Variants in DYNC1I1 observed in about 807,000 individuals in gnomAD.
DYNC1I1 encodes dynein cytoplasmic 1 intermediate chain 1, also known as cytoplasmic dynein 1 intermediate chain 1.
In DYNC1I1, 43 loss-of-function variants were observed where a neutral mutation model predicts 86.6. That is an observed-to-expected ratio of 0.50 (90% CI 0.39 to 0.64). The LOEUF (loss-of-function observed/expected upper bound fraction) is 0.64. DYNC1I1 is among the 30% of genes least tolerant of loss of function. DYNC1I1 has a pLI of 0.00. For missense variants in DYNC1I1, 604 were observed against 788.8 expected (o/e 0.77, Z 2.81); for synonymous variants, 262 against 283.7 (o/e 0.92, Z 0.77).
intron 4 of DYNC1I1, chr7:95,818,378 T>C: frequency 2.0e-6 from 1 of 492,092 alleles, no homozygotes; most frequent in Non-Finnish European, 3.6e-6. Context: ...CTTAGCTCAA[T>C]GAAGCCTCGA....
At chr7:95,967,799 G>A (rs115475070) in intron 6 of DYNC1I1, among the ~76,000 whole-genome samples, 6,018 of 152,246 alleles carry the variant, frequency 0.04, 380 homozygotes, top group African/African-American at 0.14. Context: ...AAAAGAAGAA[G>A]GGAGTCTGAC....
At chr7:95,967,027 A>G (rs769054979) in intron 6 of DYNC1I1, among the ~76,000 whole-genome samples, 33 of 152,170 alleles carry the variant, frequency 2.2e-4, no homozygotes, top group Admixed American at 1.1e-3. Context: ...CCTTTTTAGA[A>G]CTACTGGGGA....
At chr7:95,893,030 T>A (rs1179248800) in intron 6 of DYNC1I1, among the ~76,000 whole-genome samples, 1 of 152,244 alleles carries the variant, frequency 6.6e-6, no homozygotes, top group African/African-American at 2.4e-5. Context: ...ATTTGTTTTC[T>A]TTTTTCTTCA....
At chr7:95,921,463 T>C (rs1053313625) in intron 6 of DYNC1I1, among the ~76,000 whole-genome samples, 1 of 152,202 alleles carries the variant, frequency 6.6e-6, no homozygotes, top group Admixed American at 6.5e-5. Flanking sequence ...AGACCAAGTC[T>C]AGCTCTTTCC....
At position 96,080,366 on chromosome 7, in the gene DYNC1I1, C is replaced by A; in HGVS notation, c.1654C>A (p.Pro552Thr). The change falls in exon 16 of 17, where the codon CCA (proline) becomes ACA (threonine). Residue 552 changes from proline to threonine, a missense_variant. Coordinates refer to ENST00000447467, the MANE Select transcript of DYNC1I1 (RefSeq NM_001135556.2). ...TCTGTTGTGAACCCTTTGGCAGGTT[C>A]CAACAGCAAGTGTGGCCATTGAGGG... is the stretch of plus-strand genomic sequence containing the variant. ...LWNLNNDTEVPTASVAIEGAS... is the reference protein window; with the variant it reads ...LWNLNNDTEVTTASVAIEGAS... The A allele has an allele frequency of 6.2e-7, 1 of 1,602,124 alleles. No homozygotes were observed. The highest frequency in any genetic ancestry group is 1.1e-5 in the South Asian group (1 of 88,598).
chr7:95,990,930 T>C (rs1327981378), intron 9 of DYNC1I1, among the ~76,000 whole-genome samples: 1 of 151,926 alleles, frequency 6.6e-6, no homozygotes, highest in Admixed American at 6.6e-5. Context: ...TGTGGGAGGC[T>C]GAGGTGGGAG....
chr7:96,000,485 G>T (rs1022265662), intron 10 of DYNC1I1, among the ~76,000 whole-genome samples: 4 of 152,170 alleles, frequency 2.6e-5, no homozygotes, highest in African/African-American at 7.2e-5. Flanking sequence ...GATCAGACCA[G>T]AGAAATAGTG....
chr7:95,977,386 A>G (rs1793332569), intron 6 of DYNC1I1, 126 bp from the exon 7 acceptor site: 1 of 693,382 alleles, frequency 1.4e-6, no homozygotes, highest in South Asian at 2.2e-5. Context: ...TTCATTGTGG[A>G]CTGATTTACT....
At chr7:95,942,191 T>C (rs1792245802) in intron 6 of DYNC1I1, among the ~76,000 whole-genome samples, 1 of 151,884 alleles carries the variant, frequency 6.6e-6, no homozygotes, top group African/African-American at 2.4e-5. Flanking sequence ...AAAGGGAATA[T>C]CACCACCGAT....
chr7:96,109,204 C>CT (rs971121801), intron 16 of DYNC1I1, among the ~76,000 whole-genome samples: 8 of 149,654 alleles, frequency 5.3e-5, no homozygotes, highest in African/African-American at 9.8e-5. Flanking sequence ...TTCCTGCTTT[C>CT]TTTTTTTTTA....
chr7:95,894,604 A>T (rs1168161599), intron 6 of DYNC1I1, among the ~76,000 whole-genome samples: 1 of 152,218 alleles, frequency 6.6e-6, no homozygotes, highest in Non-Finnish European at 1.5e-5. Flanking sequence ...AAGTAATCAC[A>T]GTTTAAATTT....
At chr7:95,827,887 G>A (rs1036795836) in intron 4 of DYNC1I1, among the ~76,000 whole-genome samples, 170 bp from the exon 5 acceptor site, 1 of 152,050 alleles carries the variant, frequency 6.6e-6, no homozygotes, top group East Asian at 1.9e-4. Context: ...ATGGCTCCTC[G>A]ATTTCTCTTG....
At chr7:95,938,961 G>T (rs1243516793) in intron 6 of DYNC1I1, among the ~76,000 whole-genome samples, 2 of 152,118 alleles carry the variant, frequency 1.3e-5, no homozygotes, top group African/African-American at 2.4e-5. Context: ...TCTACACACT[G>T]CTTTGAATGT....
intron 7 of DYNC1I1, among the ~76,000 whole-genome samples, chr7:95,979,492 T>C (rs996266784): frequency 4.6e-5 from 7 of 152,202 alleles, no homozygotes; most frequent in African/African-American, 1.7e-4. Flanking sequence ...TCTACCCTGA[T>C]GGGATGGATG....
At chr7:96,042,537 T>C (rs752694754) in intron 14 of DYNC1I1, among the ~76,000 whole-genome samples, 1 of 152,274 alleles carries the variant, frequency 6.6e-6, no homozygotes, top group South Asian at 2.1e-4. Context: ...CTGAGATTAT[T>C]TTATTATAAC....
chr7:95,795,890 A>G (rs1794423729), intron 1 of DYNC1I1, among the ~76,000 whole-genome samples: 1 of 151,938 alleles, frequency 6.6e-6, no homozygotes, highest in Admixed American at 6.6e-5. Context: ...TAAAAATAAA[A>G]GTTAAATTTA....
At chr7:96,064,279 G>A (rs904233414) in intron 14 of DYNC1I1, among the ~76,000 whole-genome samples, 1 of 150,228 alleles carries the variant, frequency 6.7e-6, no homozygotes, top group South Asian at 2.1e-4. Flanking sequence ...ATTGAAATTT[G>A]TGTGTTTCAG....
At chr7:95,836,183 C>G (rs13238957) in intron 5 of DYNC1I1, among the ~76,000 whole-genome samples, 14,141 of 151,876 alleles carry the variant, frequency 0.093, 703 homozygotes, top group South Asian at 0.13. Flanking sequence ...GACAAAATCT[C>G]TCAGCATTTG....
At chr7:96,029,884 C>A (rs538716121) in intron 11 of DYNC1I1, among the ~76,000 whole-genome samples, 1 of 151,154 alleles carries the variant, frequency 6.6e-6, no homozygotes, top group South Asian at 2.1e-4. Context: ...GCACTGCAGC[C>A]TGGGCAACAG....
Sources: allele counts gnomAD v4.1 joint callset (sites outside exome capture counted in the v4.1 genomes callset), GRCh38; gene constraint gnomAD v4.1.1; transcripts MANE v1.5; gene names NCBI Gene and HGNC (gene_info 2026-07-23, HGNC 2026-07-21).